Variants in CHSY3 observed in about 807,000 individuals in gnomAD.
The protein encoded by CHSY3 is chondroitin sulfate synthase 3, also known as N-acetylgalactosaminyl-proteoglycan 3-beta-glucuronosyltransferase 3.
CHSY3 carries 35 observed loss-of-function variants against 67.2 expected under a neutral mutation model. The observed-to-expected ratio is 0.52, with a 90% CI of 0.40 to 0.69. The LOEUF is 0.69. Among genes scored for constraint, CHSY3 ranks in the 30% least tolerant of loss-of-function variants. The probability of loss-of-function intolerance (pLI) is 0.00; values close to 1 mark genes in which losing one functional copy is unlikely to be tolerated. For missense variants in CHSY3, 1,069 were observed against 1,138.5 expected, an observed-to-expected ratio of 0.94 and a Z score of 0.88; for synonymous variants, 474 against 434.7, an observed-to-expected ratio of 1.09 and a Z score of -1.12.
At chr5:130,011,884 G>T (rs1384657936) in intron 2 of CHSY3, among the ~76,000 whole-genome samples, 1 of 152,136 alleles carries the variant, frequency 6.6e-6, no homozygotes. Flanking sequence ...AGAAGAAGAT[G>T]CCTGAGAATA....
intron 2 of CHSY3, among the ~76,000 whole-genome samples, chr5:129,919,623 T>C (rs529816153): frequency 6.6e-6 from 1 of 152,280 alleles, no homozygotes; most frequent in South Asian, 2.1e-4. Context: ...ACTTATTCAC[T>C]ACCATGAGAA....
chr5:130,138,101 A>G (rs1232787655), intron 2 of CHSY3, among the ~76,000 whole-genome samples: 1 of 152,228 alleles, frequency 6.6e-6, no homozygotes, highest in Admixed American at 6.5e-5. Context: ...CAAGAAAAAT[A>G]TTTCTGTAGG....
chr5:130,025,505 G>C (rs1259535897), intron 2 of CHSY3, among the ~76,000 whole-genome samples: 3 of 152,082 alleles, frequency 2.0e-5, no homozygotes, highest in Non-Finnish European at 2.9e-5. Flanking sequence ...GAATCAAAGA[G>C]AAACAGTGAT....
intron 2 of CHSY3, among the ~76,000 whole-genome samples, chr5:129,971,654 T>G (rs999799816): frequency 3.2e-4 from 48 of 151,948 alleles, no homozygotes; most frequent in Non-Finnish European, 7.4e-5. Flanking sequence ...CAGGGTCAAG[T>G]TTACCTACTT....
intron 2 of CHSY3, among the ~76,000 whole-genome samples, chr5:129,925,259 A>G (rs1181777297): frequency 6.6e-6 from 1 of 152,078 alleles, no homozygotes; most frequent in Admixed American, 6.5e-5. Context: ...AGAATTGGTT[A>G]TGGGCTAATG....
At chr5:130,077,324 A>T (rs1766298819) in intron 2 of CHSY3, among the ~76,000 whole-genome samples, 1 of 152,062 alleles carries the variant, frequency 6.6e-6, no homozygotes, top group Non-Finnish European at 1.5e-5. Flanking sequence ...TAATGTATAT[A>T]GACAGTCCCT....
rs544976940 is a variant in CHSY3 at position 130,143,738 on chromosome 5, A to G, written c.1087-40491A>G. On this transcript the variant is annotated intron_variant, in intron 2 of 2. Coordinates refer to ENST00000305031, the MANE Select transcript of CHSY3 (RefSeq NM_175856.5). ...TATATATATGTGTGTGTGTGTGTAT[A>G]TATATATATATATATATATGTGTGT... 1.0e-3 allele frequency among the ~76,000 whole-genome samples: 109 copies of G among 107,424 alleles called. 1 individual carries two copies. The highest frequency in any genetic ancestry group is 2.8e-3 in the African/African-American group (70 of 25,320). 70.5% of individuals were successfully genotyped at this position (107,424 alleles called of 152,430 possible).
At chr5:130,146,947 C>T (rs1467492834) in intron 2 of CHSY3, among the ~76,000 whole-genome samples, 2 of 152,134 alleles carry the variant, frequency 1.3e-5, no homozygotes, top group Non-Finnish European at 1.5e-5. Context: ...GTGCCTGCCA[C>T]CATGCCCAGC....
intron 2 of CHSY3, among the ~76,000 whole-genome samples, chr5:130,025,120 A>G (rs1223784270): frequency 1.0e-5 from 1 of 98,342 alleles, no homozygotes; most frequent in Non-Finnish European, 2.2e-5. Flanking sequence ...GTGTTGTATT[A>G]GGGTCCTTTA....
At chr5:129,972,653 T>C (rs10063137) in intron 2 of CHSY3, among the ~76,000 whole-genome samples, 1,739 of 151,778 alleles carry the variant, frequency 0.011, 17 homozygotes, top group Middle Eastern at 0.1. Flanking sequence ...TTCATGAATA[T>C]GGAAAAATGC....
At chr5:129,958,468 G>T (rs1015799604) in intron 2 of CHSY3, among the ~76,000 whole-genome samples, 2 of 152,062 alleles carry the variant, frequency 1.3e-5, no homozygotes, top group African/African-American at 4.8e-5. Context: ...TGACCCCCAA[G>T]CCTGCATTAG....
intron 2 of CHSY3, among the ~76,000 whole-genome samples, chr5:130,070,699 A>T (rs998420600): frequency 1.3e-5 from 2 of 152,132 alleles, no homozygotes; most frequent in African/African-American, 4.8e-5. Context: ...TTACAGTCAT[A>T]TAAAAATAAA....
At chr5:130,157,983 T>C (rs1251688217) in intron 2 of CHSY3, among the ~76,000 whole-genome samples, 1 of 152,222 alleles carries the variant, frequency 6.6e-6, no homozygotes, top group African/African-American at 2.4e-5. Flanking sequence ...TTATAAATTG[T>C]CATGTGTCTT....
intron 2 of CHSY3, among the ~76,000 whole-genome samples, chr5:129,964,904 C>T (rs1202295181): frequency 6.6e-6 from 1 of 151,802 alleles, no homozygotes; most frequent in African/African-American, 2.4e-5. Context: ...TTTTCATTCC[C>T]CATCTGTTTT....
chr5:130,000,744 T>C (rs1763700952), intron 2 of CHSY3, among the ~76,000 whole-genome samples: 1 of 139,734 alleles, frequency 7.2e-6, no homozygotes, highest in Non-Finnish European at 1.6e-5. Flanking sequence ...TTTTTTTTTT[T>C]TTTTTTTTTT....
At chr5:129,997,488 G>A (rs1434375663) in intron 2 of CHSY3, among the ~76,000 whole-genome samples, 1 of 149,374 alleles carries the variant, frequency 6.7e-6, no homozygotes, top group Non-Finnish European at 1.5e-5. Context: ...TAATTTAACA[G>A]TAAAATATTT....
intron 2 of CHSY3, among the ~76,000 whole-genome samples, chr5:129,967,396 T>G (rs1762498039): frequency 6.6e-6 from 1 of 151,912 alleles, no homozygotes; most frequent in South Asian, 2.1e-4. Flanking sequence ...TCTTGTTTAC[T>G]TTTAAATATC....
chr5:130,097,537 A>G (rs1384337542), intron 2 of CHSY3, among the ~76,000 whole-genome samples: 1 of 152,202 alleles, frequency 6.6e-6, no homozygotes, highest in Non-Finnish European at 1.5e-5. Flanking sequence ...ACTCCTGCCT[A>G]TCTTTTGAGC....
Position 129,943,649 on chromosome 5 carries a change from T to C in CHSY3, c.1086+35289T>C, listed in dbSNP as rs952009274. 2.0e-5 allele frequency among the ~76,000 whole-genome samples: 3 copies of C among 152,190 alleles called. No individual in the cohort carries two copies. In the East Asian group the frequency reaches 5.8e-4, roughly 29 times the overall value. On this transcript the variant is annotated intron_variant, in intron 2 of 2. Coordinates refer to ENST00000305031, the MANE Select transcript of CHSY3 (RefSeq NM_175856.5). The stretch of plus-strand genomic sequence containing the variant: ...AACGTATTTCGTACATAAAATTTCA[T>C]GAAGGGTAGATTAGGATATTCTAAC...
Sources: gnomAD v4.1 joint callset for allele counts (sites outside exome capture counted in the v4.1 genomes callset) on GRCh38, gnomAD v4.1.1 for gene constraint, MANE v1.5 for transcripts, NCBI Gene and HGNC (gene_info 2026-07-23, HGNC 2026-07-21) for gene names.